Variants in ANKRD30A observed in about 807,000 individuals in gnomAD.
ANKRD30A encodes ankyrin repeat domain 30A, also known as ankyrin repeat domain-containing protein 30A.
Under a neutral mutation model 166.3 loss-of-function variants are expected in ANKRD30A, and 170 were observed. The observed-to-expected ratio is 1.02, with a 90% CI of 0.90 to 1.16. ANKRD30A has a LOEUF of 1.16. Ranked by LOEUF, ANKRD30A falls within the 50% of genes most tolerant of loss-of-function variation. The probability of loss-of-function intolerance (pLI) is 0.00; values close to 1 mark genes in which losing one functional copy is unlikely to be tolerated. For missense variants in ANKRD30A, 1,630 were observed against 1,518.0 expected (o/e 1.07, Z -1.23); for synonymous variants, 564 against 508.9 (o/e 1.11, Z -1.46).
In ANKRD30A at chr10:37,133,797, A is replaced by T. The variant is rs1180124689; in HGVS notation, c.618-119A>T. The T allele has an allele frequency of 3.3e-6, 4 of 1,215,724 alleles. No homozygotes were observed. The Admixed American group carries it at 8.8e-5, about 27-fold the overall frequency. 75.3% of individuals were successfully genotyped at this position (1,215,724 alleles called of 1,614,324 possible). ...TTGGTGGTGATTTACAAGGATAAAC[A>T]CTTGAGCACTCAAGATACTTATGTT... On this transcript the variant is annotated intron_variant, in intron 4 of 35. Coordinates refer to ENST00000361713, the MANE Select transcript of ANKRD30A (RefSeq NM_052997.3).
intron 18 of ANKRD30A, 43 bp downstream of exon 18, chr10:37,165,198 A>T: frequency 2.0e-6 from 3 of 1,517,500 alleles, no homozygotes; most frequent in Non-Finnish European, 2.7e-6. Flanking sequence ...GTATTGCATG[A>T]TATGAAAACA....
chr10:37,153,957 C>T (rs1399982538), intron 13 of ANKRD30A, among the ~76,000 whole-genome samples: 1 of 152,034 alleles, frequency 6.6e-6, no homozygotes, highest in Non-Finnish European at 1.5e-5. Flanking sequence ...CTGAGAAAGA[C>T]AGAACGTACA....
At chr10:37,127,156 C>T (rs1836089100) in intron 1 of ANKRD30A, among the ~76,000 whole-genome samples, 2 of 149,944 alleles carry the variant, frequency 1.3e-5, no homozygotes, top group South Asian at 2.1e-4. Flanking sequence ...CCACAAACAC[C>T]CAAATATATG....
At chr10:37,127,507 T>C (rs1010080480) in intron 1 of ANKRD30A, among the ~76,000 whole-genome samples, 8 of 152,166 alleles carry the variant, frequency 5.3e-5, no homozygotes, top group Non-Finnish European at 1.2e-4. Context: ...TTACTACATA[T>C]GTATGTGTGT....
the ANKRD30A span, among the ~76,000 whole-genome samples, chr10:37,256,147 C>T: frequency 6.6e-6 from 1 of 152,220 alleles, no homozygotes. Context: ...TCATACCATT[C>T]TGACCTGCTC....
At position 37,219,767 on chromosome 10, in the gene ANKRD30A, T is replaced by A; in HGVS notation, c.4055T>A (p.Ile1352Asn). The change falls in exon 34 of 36, where the codon ATT becomes AAT. Residue 1352 changes from isoleucine to asparagine, a missense_variant. Around this residue, in one of 4 missense-constraint regions of ANKRD30A, gnomAD observed 712 missense variants for 629.3 expected, o/e 1.13. Transcript: ENST00000361713. ...KKADNKSKIT[I>N]DIHFLERKMQ... ...GCTGACAACAAAAGCAAGATAACAA[T>A]TGATATTCATTTTCTTGAGAGGAAA... is the stretch of plus-strand genomic sequence containing the variant. 1 of 1,608,308 alleles carries A rather than the reference T, an allele frequency of 6.2e-7. No individual in the cohort carries two copies. Among genetic ancestry groups the A allele is most frequent in the South Asian group, 1.1e-5 (1 of 90,772 alleles).
chr10:37,134,083 G>T (rs1292792903), intron 5 of ANKRD30A, 30 bp downstream of exon 5: 2 of 1,607,190 alleles, frequency 1.2e-6, no homozygotes, highest in Non-Finnish European at 1.7e-6. Context: ...GGCTAGGTGA[G>T]ATTTTATAGT....
chr10:37,220,226 A>C (rs920217961), intron 34 of ANKRD30A, among the ~76,000 whole-genome samples: 16 of 150,540 alleles, frequency 1.1e-4, no homozygotes, highest in African/African-American at 3.9e-4. Flanking sequence ...GTTGAAATAA[A>C]GGTTTTAATG....
the ANKRD30A span, among the ~76,000 whole-genome samples, chr10:37,247,527 C>T: frequency 1.3e-5 from 2 of 151,716 alleles, no homozygotes; most frequent in African/African-American, 2.4e-5. Context: ...AGAGGAACAA[C>T]GTACACTGGG....
chr10:37,140,469 A>G (rs1837021278), intron 6 of ANKRD30A, among the ~76,000 whole-genome samples: 1 of 152,204 alleles, frequency 6.6e-6, no homozygotes, highest in Admixed American at 6.5e-5. Context: ...AAAAGCAATT[A>G]TTTGTTGAGA....
Position 37,141,662 on chromosome 10 carries a change from G to C in ANKRD30A, c.821-56G>C. 15 of 1,593,474 alleles carry C rather than the reference G, an allele frequency of 9.4e-6. 1 individual carries two copies. In the South Asian group the frequency reaches 1.6e-4, roughly 17 times the overall value. ...TGAGTAGAAGTTTGCCAGGTGAAGA[G>C]TCAGGAGGATGATATTTAGTAGAAG... On this transcript the variant is annotated intron_variant, in intron 6 of 35. Transcript: ENST00000361713.
At chr10:37,158,787 G>T (rs1479223418) in intron 15 of ANKRD30A, among the ~76,000 whole-genome samples, 2 of 152,118 alleles carry the variant, frequency 1.3e-5, no homozygotes, top group African/African-American at 4.8e-5. Flanking sequence ...AAAAAATTCT[G>T]CTTTACCTCA....
chr10:37,251,842 C>T, the ANKRD30A span, among the ~76,000 whole-genome samples: 1 of 152,114 alleles, frequency 6.6e-6, no homozygotes. Context: ...TGTGATAGTT[C>T]ATTTTAAGTT....
chr10:37,200,301 G>A (rs1344852027), intron 30 of ANKRD30A, among the ~76,000 whole-genome samples: 1 of 152,002 alleles, frequency 6.6e-6, no homozygotes, highest in African/African-American at 2.4e-5. Context: ...AAAGCATGAG[G>A]AATAGGAAAC....
chr10:37,152,568 G>A (rs1035648161), intron 12 of ANKRD30A, among the ~76,000 whole-genome samples: 2 of 152,220 alleles, frequency 1.3e-5, no homozygotes, highest in African/African-American at 2.4e-5. Context: ...GGACTTGAAT[G>A]TATTGACATA....
At chr10:37,151,899 A>G (rs17590079) in intron 11 of ANKRD30A, among the ~76,000 whole-genome samples, 161 bp from the exon 12 acceptor site, 1 of 152,080 alleles carries the variant, frequency 6.6e-6, no homozygotes, top group African/African-American at 2.4e-5. Context: ...TTCAATTCTA[A>G]TGGAATGACT....
chr10:37,162,626 G>C (rs200801949), intron 15 of ANKRD30A, 23 bp from the exon 16 acceptor site: 88 of 1,611,586 alleles, frequency 5.5e-5, no homozygotes, highest in Non-Finnish European at 7.0e-5. Context: ...TATGATTGAT[G>C]ATAAATCTCT....
chr10:37,253,305 G>A, the ANKRD30A span, among the ~76,000 whole-genome samples: 1 of 152,172 alleles, frequency 6.6e-6, no homozygotes, highest in Non-Finnish European at 1.5e-5. Flanking sequence ...CATATTTAAA[G>A]TGACTGAGGA....
chr10:37,162,088 C>T lies in ANKRD30A; in HGVS notation c.1901-561C>T, dbSNP rs540934294. On this transcript the variant is annotated intron_variant, in intron 15 of 35. Coordinates refer to ENST00000361713, the MANE Select transcript of ANKRD30A (RefSeq NM_052997.3). ...ATGAGTGGATCCAGAAGCATTCAGA[C>T]AGCTAAAGTAGAGGATACAGAAATA... is the stretch of plus-strand genomic sequence containing the variant. Among the ~76,000 whole-genome samples the T allele has an allele frequency of 1.6e-4, 25 of 152,180 alleles. 1 individual carries two copies. Among genetic ancestry groups the T allele is most frequent in the African/African-American group, 5.1e-4 (21 of 41,516 alleles).
Sources: allele counts gnomAD v4.1 joint callset (sites outside exome capture counted in the v4.1 genomes callset), GRCh38; gene constraint gnomAD v4.1.1; regional missense constraint gnomAD v4.1.1; transcripts MANE v1.5; gene names NCBI Gene and HGNC (gene_info 2026-07-23, HGNC 2026-07-21).